DNAH9: variants seen among roughly 807,000 people sequenced by gnomAD.
The protein encoded by DNAH9 is dynein axonemal heavy chain 9.
Under a neutral mutation model 471.6 loss-of-function variants are expected in DNAH9, and 345 were observed. The ratio of observed to expected loss-of-function variants is 0.73; its 90% CI spans 0.67 to 0.80. The LOEUF (loss-of-function observed/expected upper bound fraction) is 0.80. DNAH9 is among the 30% of genes least tolerant of loss of function. DNAH9 has a pLI of 0.00. For synonymous variants in DNAH9, 2,093 were observed against 2,123.6 expected (o/e 0.99, Z 0.40); for missense variants, 5,407 against 5,609.2 (o/e 0.96, Z 1.15).
At chr17:11,690,854 T>TATAAACCGCTGGC in intron 20 of DNAH9, among the ~76,000 whole-genome samples, 1 of 152,288 alleles carries the variant, frequency 6.6e-6, no homozygotes, top group African/African-American at 2.4e-5. Context: ...CATGCCATTC[T>TATAAACCGCTGGC]ATAAACCGCT....
At chr17:11,761,042 G>A (rs1046523636) in intron 35 of DNAH9, among the ~76,000 whole-genome samples, 3 of 152,232 alleles carry the variant, frequency 2.0e-5, no homozygotes, top group Non-Finnish European at 4.4e-5. Context: ...CCCATAAGGG[G>A]CAATTATAAA....
chr17:11,789,534 G>C (rs1043407829), intron 41 of DNAH9, among the ~76,000 whole-genome samples: 1 of 151,790 alleles, frequency 6.6e-6, no homozygotes, highest in Non-Finnish European at 1.5e-5. Flanking sequence ...CCTTATGTTG[G>C]GTATTAAGTG....
intron 20 of DNAH9, among the ~76,000 whole-genome samples, chr17:11,690,697 AT>A (rs1198199919): frequency 6.6e-6 from 1 of 150,778 alleles, no homozygotes; most frequent in Admixed American, 6.6e-5. Context: ...AAAAAAAAAA[AT>A]GTATATATAA....
chr17:11,934,119 C>A, intron 65 of DNAH9, 48 bp downstream of exon 65: 1 of 1,572,044 alleles, frequency 6.4e-7, no homozygotes, highest in Non-Finnish European at 8.7e-7. Flanking sequence ...GCTCACAGGG[C>A]CCTGGGTATT....
intron 43 of DNAH9, among the ~76,000 whole-genome samples, chr17:11,799,358 T>C (rs1969371554): frequency 6.6e-6 from 1 of 151,004 alleles, no homozygotes; most frequent in Non-Finnish European, 1.5e-5. Flanking sequence ...TTTAAAAATT[T>C]TATTTTATTT....
chr17:11,703,999 A>G (rs571356977), intron 24 of DNAH9, among the ~76,000 whole-genome samples: 2 of 152,212 alleles, frequency 1.3e-5, no homozygotes, highest in African/African-American at 4.8e-5. Flanking sequence ...AGGAGCAGAA[A>G]GTGCTTTTCC....
intron 19 of DNAH9, among the ~76,000 whole-genome samples, chr17:11,685,462 A>G (rs933411199): frequency 6.6e-6 from 1 of 152,134 alleles, no homozygotes; most frequent in Non-Finnish European, 1.5e-5. Context: ...TAATGTAAAG[A>G]CCACCTTCTC....
At chr17:11,646,340 T>C (rs992009340) in intron 11 of DNAH9, among the ~76,000 whole-genome samples, 22 of 152,108 alleles carry the variant, frequency 1.4e-4, no homozygotes, top group African/African-American at 5.1e-4. Context: ...TGTGTCAGGG[T>C]GATCTGTTGG....
rs1190341558 is a variant in DNAH9, at chr17:11,651,057, T to G, written c.2098-12T>G. 6.2e-7 allele frequency: 1 copy of G among 1,610,896 alleles called. No homozygotes were observed. The highest frequency in any genetic ancestry group is 8.5e-7 in the Non-Finnish European group (1 of 1,177,872). On this transcript the variant is annotated splice_polypyrimidine_tract_variant and intron_variant, in intron 12 of 68. Transcript: ENST00000262442. ...CTGAACGACAGACACTTGTGTTGCTTCTTTTCTCCAGCTGATTTCAGTGCT... is the reference window on the plus strand; with the variant it reads ...CTGAACGACAGACACTTGTGTTGCTGCTTTTCTCCAGCTGATTTCAGTGCT...
chr17:11,690,368 C>A lies in DNAH9; in HGVS notation c.4546C>A (p.Gln1516Lys). Residue 1516 changes from glutamine to lysine, a missense_variant, in exon 20 of 69, where the codon CAG becomes AAG. Gln to Lys is a moderately conservative substitution (Grantham distance 53). Around this residue, in one of 3 missense-constraint regions of DNAH9, gnomAD observed 4,636 missense variants for 4,900.3 expected, o/e 0.95. Coordinates refer to ENST00000262442, the MANE Select transcript of DNAH9 (RefSeq NM_001372.4). ...TGTCATCTCTATCTGGTTTGAAGTG[C>A]AGCGAACATGGACTCACCTGGAAAG... is the stretch of plus-strand genomic sequence containing the variant. Reference protein sequence around the residue: ...DAVISIWFEVQRTWTHLESIF... With the variant: ...DAVISIWFEVKRTWTHLESIF... 9 of 1,614,184 alleles carry A rather than the reference C, an allele frequency of 5.6e-6. No homozygotes were observed. Among genetic ancestry groups the A allele is most frequent in the Non-Finnish European group, 7.6e-6 (9 of 1,180,034 alleles).
chr17:11,840,836 G>T (rs1393995331), intron 49 of DNAH9, among the ~76,000 whole-genome samples: 1 of 152,074 alleles, frequency 6.6e-6, no homozygotes, highest in Non-Finnish European at 1.5e-5. Context: ...AGCTGAAAAG[G>T]GTGTGCAACG....
chr17:11,829,446 A>T (rs1298919907), intron 48 of DNAH9, among the ~76,000 whole-genome samples: 1 of 152,188 alleles, frequency 6.6e-6, no homozygotes, highest in East Asian at 1.9e-4. Context: ...TAAAGTTCAC[A>T]AACTTATTTA....
chr17:11,953,173 T>G (rs4792204), intron 67 of DNAH9, among the ~76,000 whole-genome samples: 71,704 of 151,564 alleles, frequency 0.47, 17,094 homozygotes, highest in Middle Eastern at 0.58. Flanking sequence ...ATTTGCCAGG[T>G]ACATGGCCCA....
chr17:11,909,112 C>T (rs111423744), intron 61 of DNAH9, among the ~76,000 whole-genome samples: 2 of 152,276 alleles, frequency 1.3e-5, no homozygotes, highest in Admixed American at 6.5e-5. Flanking sequence ...GTGTTGGGAA[C>T]GTTCCATATC....
At chr17:11,606,448 C>CTTTTTTTTTTTT (rs1156988834) in intron 1 of DNAH9, among the ~76,000 whole-genome samples, 7 of 97,038 alleles carry the variant, frequency 7.2e-5, no homozygotes, top group African/African-American at 3.1e-4. Context: ...CTTTTCTTTT[C>CTTTTTTTTTTTT]TTTTCTTTTT....
At chr17:11,902,969 G>A in intron 60 of DNAH9, 57 bp downstream of exon 60, 1 of 1,549,536 alleles carries the variant, frequency 6.5e-7, no homozygotes, top group Non-Finnish European at 8.7e-7. Context: ...GCAACCTCAG[G>A]ACAACTGGAC....
intron 22 of DNAH9, among the ~76,000 whole-genome samples, chr17:11,698,192 A>AATATATTAATTATATATAT (rs1567728618): frequency 1.2e-4 from 2 of 16,870 alleles, no homozygotes; most frequent in Non-Finnish European, 2.0e-4. Flanking sequence ...TTATATTAAT[A>AATATATTAATTATATATAT]TAATAATATA....
chr17:11,964,497 G>A (rs79305914), intron 68 of DNAH9, among the ~76,000 whole-genome samples: 1,640 of 152,206 alleles, frequency 0.011, 33 homozygotes, highest in African/African-American at 0.038. Context: ...GTTCTCAAAG[G>A]TTTTATCCCA....
chr17:11,814,606 A>G (rs1970030388), intron 45 of DNAH9, among the ~76,000 whole-genome samples: 1 of 152,234 alleles, frequency 6.6e-6, no homozygotes, highest in African/African-American at 2.4e-5. Context: ...AATAACATGT[A>G]ACCTCTGTGC....
Sources: allele counts gnomAD v4.1 joint callset (sites outside exome capture counted in the v4.1 genomes callset), GRCh38; gene constraint gnomAD v4.1.1; regional missense constraint gnomAD v4.1.1; transcripts MANE v1.5; gene names NCBI Gene and HGNC (gene_info 2026-07-23, HGNC 2026-07-21).